The following KCNMA1 variants were observed in gnomAD, a reference collection of about 807,000 sequenced individuals.
KCNMA1 encodes the protein potassium calcium-activated channel subfamily M alpha 1.
A neutral mutation model predicts 140.0 loss-of-function variants in KCNMA1; 29 were observed. That is an observed-to-expected ratio of 0.21 (90% CI 0.15 to 0.28). The LOEUF is 0.28. Among genes scored for constraint, KCNMA1 ranks in the 10% least tolerant of loss-of-function variants. KCNMA1 has a pLI of 1.00. For synonymous variants in KCNMA1, 612 were observed against 611.9 expected (o/e 1.00, Z 0.00); for missense variants, 880 against 1,602.2 (o/e 0.55, Z 7.70).
At chr10:77,518,711 G>A (rs759458656) in intron 1 of KCNMA1, among the ~76,000 whole-genome samples, 3 of 152,196 alleles carry the variant, frequency 2.0e-5, no homozygotes, top group Non-Finnish European at 4.4e-5. Context: ...CTGAGAGGGA[G>A]CTCTTGGTCA....
intron 14 of KCNMA1, chr10:77,071,416 C>G (rs1047520113): frequency 2.6e-5 from 4 of 152,304 alleles, no homozygotes; most frequent in Admixed American, 2.6e-4. Flanking sequence ...ATGGGCCATG[C>G]CCTGGAAGAA....
intron 1 of KCNMA1, among the ~76,000 whole-genome samples, chr10:77,495,425 C>T (rs893368393): frequency 1.4e-4 from 22 of 152,224 alleles, no homozygotes; most frequent in African/African-American, 5.3e-4. Flanking sequence ...ACGACACCTT[C>T]CTGGTCTAAA....
intron 17 of KCNMA1, among the ~76,000 whole-genome samples, chr10:77,015,925 C>T (rs1417436725): frequency 6.6e-6 from 1 of 152,210 alleles, no homozygotes; most frequent in Non-Finnish European, 1.5e-5. Flanking sequence ...TCTCTCACCT[C>T]TTCTCCTGCC....
At chr10:76,965,332 T>G (rs2073446337) in intron 20 of KCNMA1, among the ~76,000 whole-genome samples, 1 of 152,202 alleles carries the variant, frequency 6.6e-6, no homozygotes, top group African/African-American at 2.4e-5. Context: ...CAGCAGACCC[T>G]GAATGGCTTA....
intron 21 of KCNMA1, among the ~76,000 whole-genome samples, chr10:76,951,310 G>A (rs1023236473): frequency 6.6e-6 from 1 of 152,096 alleles, no homozygotes; most frequent in Non-Finnish European, 1.5e-5. Context: ...ATTTTGCCGG[G>A]TTTAAAGCAC....
At chr10:76,919,789 C>T (rs1203601350) in intron 23 of KCNMA1, among the ~76,000 whole-genome samples, 1 of 151,698 alleles carries the variant, frequency 6.6e-6, no homozygotes, top group Non-Finnish European at 1.5e-5. Flanking sequence ...ACATTTAGTA[C>T]AATATCTGGT....
intron 2 of KCNMA1, among the ~76,000 whole-genome samples, chr10:77,311,796 T>C (rs2079388875): frequency 6.6e-6 from 1 of 152,160 alleles, no homozygotes; most frequent in Admixed American, 6.5e-5. Flanking sequence ...GATCTGCCTC[T>C]CAGGGACCTA....
intron 23 of KCNMA1, among the ~76,000 whole-genome samples, chr10:76,934,803 A>G (rs75602328): frequency 0.04 from 6,098 of 152,232 alleles, 183 homozygotes; most frequent in Non-Finnish European, 0.064. Flanking sequence ...ACTATAAGAC[A>G]ATTTCTCTGG....
intron 2 of KCNMA1, among the ~76,000 whole-genome samples, chr10:77,380,116 G>T (rs1392881894): frequency 6.6e-6 from 1 of 152,208 alleles, no homozygotes. Flanking sequence ...GAATGAAAGT[G>T]TGTGAACAGG....
intron 2 of KCNMA1, among the ~76,000 whole-genome samples, chr10:77,263,614 A>T (rs1160783288): frequency 6.6e-6 from 1 of 152,166 alleles, no homozygotes; most frequent in Non-Finnish European, 1.5e-5. Context: ...CCAAGGTCTT[A>T]CTTTGTAAAA....
chr10:77,590,908 A>C (rs1161238590), intron 1 of KCNMA1, among the ~76,000 whole-genome samples: 3 of 152,214 alleles, frequency 2.0e-5, no homozygotes, highest in Admixed American at 6.5e-5. Flanking sequence ...TGCCCACCTC[A>C]AGAAGAACCT....
chr10:77,126,468 A>T (rs1414016954), intron 5 of KCNMA1, among the ~76,000 whole-genome samples: 1 of 152,238 alleles, frequency 6.6e-6, no homozygotes, highest in African/African-American at 2.4e-5. Context: ...ACTAATGACT[A>T]ACAACAATAA....
At chr10:77,066,033 C>CAGTCATGAGTTCAT (rs1180961851) in intron 14 of KCNMA1, among the ~76,000 whole-genome samples, 1 of 152,142 alleles carries the variant, frequency 6.6e-6, no homozygotes, top group Non-Finnish European at 1.5e-5. Context: ...TTCCAGGGAC[C>CAGTCATGAGTTCAT]TGACTGCTTA....
intron 20 of KCNMA1, among the ~76,000 whole-genome samples, chr10:76,966,224 C>T (rs3781149): frequency 0.069 from 10,542 of 152,156 alleles, 505 homozygotes; most frequent in Admixed American, 0.16. Context: ...AGCAGGCAGC[C>T]GAAGTGCACA....
At chr10:77,187,156 A>G (rs1258181521) in intron 3 of KCNMA1, among the ~76,000 whole-genome samples, 1 of 152,096 alleles carries the variant, frequency 6.6e-6, no homozygotes, top group African/African-American at 2.4e-5. Flanking sequence ...AAATACAGCT[A>G]ATTGGAAAAG....
At chr10:77,444,251 GC>G (rs1406152224) in intron 1 of KCNMA1, among the ~76,000 whole-genome samples, 1 of 152,166 alleles carries the variant, frequency 6.6e-6, no homozygotes, top group East Asian at 1.9e-4. Flanking sequence ...TAGGGCTGGG[GC>G]TTGCCAGCAT....
chr10:77,322,500 CTT>C (rs2082648542), intron 2 of KCNMA1, among the ~76,000 whole-genome samples: 3 of 152,206 alleles, frequency 2.0e-5, no homozygotes, highest in Admixed American at 1.3e-4. Context: ...AGTTTCCTCT[CTT>C]TTCTCTGTCC....
chr10:76,996,680 C>A (rs3781158), intron 19 of KCNMA1, among the ~76,000 whole-genome samples: 2 of 151,820 alleles, frequency 1.3e-5, no homozygotes, highest in African/African-American at 4.8e-5. Context: ...GAGACTCAGA[C>A]GAACAGGCTT....
At chr10:77,170,275 G>A (rs899955986) in intron 5 of KCNMA1, among the ~76,000 whole-genome samples, 4 of 152,222 alleles carry the variant, frequency 2.6e-5, no homozygotes, top group East Asian at 3.9e-4. Context: ...CTCATGAGCA[G>A]GCTTGGGCCC....
Sources: allele counts gnomAD v4.1 joint callset (sites outside exome capture counted in the v4.1 genomes callset), GRCh38; gene constraint gnomAD v4.1.1; transcripts MANE v1.5; gene names NCBI Gene and HGNC (gene_info 2026-07-23, HGNC 2026-07-21).